Variants in BMP6 observed in about 807,000 individuals in gnomAD.
The protein encoded by BMP6 is VG-1-R.
Under a neutral mutation model 54.1 loss-of-function variants are expected in BMP6, and 17 were observed. That is an observed-to-expected ratio of 0.31 (90% CI 0.22 to 0.47). BMP6 has a LOEUF of 0.47. Among genes scored for constraint, BMP6 ranks in the 20% least tolerant of loss-of-function variants. BMP6 has a pLI of 1.00. For missense variants in BMP6, 720 were observed against 690.4 expected (o/e 1.04, Z -0.48); for synonymous variants, 328 against 291.2 (o/e 1.13, Z -1.28).
chr6:7,766,251 C>T (rs1214302137), intron 1 of BMP6, among the ~76,000 whole-genome samples: 1 of 152,064 alleles, frequency 6.6e-6, no homozygotes, highest in Non-Finnish European at 1.5e-5. Context: ...AGGACTGTAT[C>T]TTGTCTGCTG....
chr6:7,880,319 T>C lies in BMP6; in HGVS notation c.1518T>C (p.Val506=). 1 of 1,614,162 alleles carries C rather than the reference T, an allele frequency of 6.2e-7. No homozygotes were observed. The highest frequency in any genetic ancestry group is 1.3e-5 in the African/African-American group (1 of 75,028). The change falls in exon 7 of 7, where the codon GTT becomes GTC. Residue 506 remains valine, a synonymous_variant. Transcript: ENST00000283147. Reference sequence around the variant, plus strand: ...TTCTGAAAAAATACAGGAATATGGTTGTAAGAGCTTGTGGATGCCACTAAC... The same window carrying C: ...TTCTGAAAAAATACAGGAATATGGTCGTAAGAGCTTGTGGATGCCACTAAC... ...NVILKKYRNM[V]VRACGCH is the part of the protein sequence containing the mutation.
intron 2 of BMP6, among the ~76,000 whole-genome samples, chr6:7,859,670 ACC>A (rs56302090): frequency 0.015 from 2,204 of 148,304 alleles, 37 homozygotes; most frequent in Non-Finnish European, 0.019. Flanking sequence ...TTCCATGGAC[ACC>A]CCCCGCACCC....
At chr6:7,767,478 G>A (rs1757710279) in intron 1 of BMP6, among the ~76,000 whole-genome samples, 1 of 151,478 alleles carries the variant, frequency 6.6e-6, no homozygotes, top group African/African-American at 2.4e-5. Context: ...TAAAGTGTAG[G>A]TCTGAGCCCC....
intron 1 of BMP6, among the ~76,000 whole-genome samples, chr6:7,811,399 A>G (rs1280348606): frequency 1.3e-5 from 2 of 152,112 alleles, no homozygotes; most frequent in Non-Finnish European, 2.9e-5. Context: ...ATGGGAGACT[A>G]TCTAGAAGGA....
chr6:7,785,158 G>A (rs186470610), intron 1 of BMP6, among the ~76,000 whole-genome samples: 1 of 152,310 alleles, frequency 6.6e-6, no homozygotes, highest in East Asian at 1.9e-4. Flanking sequence ...TCCGCTTTTA[G>A]CATTTTATAA....
intron 4 of BMP6, among the ~76,000 whole-genome samples, chr6:7,866,309 C>A (rs1747632015): frequency 6.6e-6 from 1 of 152,216 alleles, no homozygotes; most frequent in Non-Finnish European, 1.5e-5. Flanking sequence ...ACCAATCTAC[C>A]AATTCTTTTT....
intron 1 of BMP6, among the ~76,000 whole-genome samples, chr6:7,842,249 G>A (rs1433683793): frequency 5.9e-5 from 9 of 152,196 alleles, no homozygotes; most frequent in Admixed American, 5.9e-4. Context: ...GGCCTCTTGT[G>A]CAGCTGCAAC....
At chr6:7,774,246 T>C (rs1337737313) in intron 1 of BMP6, among the ~76,000 whole-genome samples, 1 of 152,186 alleles carries the variant, frequency 6.6e-6, no homozygotes, top group African/African-American at 2.4e-5. Flanking sequence ...GCTTTCTGCC[T>C]TCCACCCAAG....
chr6:7,766,770 A>G (rs1008113815), intron 1 of BMP6, among the ~76,000 whole-genome samples: 2 of 152,196 alleles, frequency 1.3e-5, no homozygotes, highest in African/African-American at 4.8e-5. Flanking sequence ...CCTATCTTCT[A>G]TGTCTTCATG....
chr6:7,817,848 G>C (rs1280685106), intron 1 of BMP6, among the ~76,000 whole-genome samples: 1 of 152,198 alleles, frequency 6.6e-6, no homozygotes, highest in African/African-American at 2.4e-5. Flanking sequence ...TAGAAATGTA[G>C]TGTTGCGAAG....
At chr6:7,862,249 A>G in intron 3 of BMP6, 52 bp from the exon 4 acceptor site, 2 of 1,590,718 alleles carry the variant, frequency 1.3e-6, no homozygotes, top group Non-Finnish European at 1.7e-6. Context: ...TTGTAGCTAC[A>G]GGAACAAGTT....
In BMP6 at chr6:7,862,315, C is replaced by A; in HGVS notation, c.1021C>A (p.Pro341Thr). 2 of 1,614,216 alleles carry A rather than the reference C, an allele frequency of 1.2e-6. No homozygotes were observed. ...TTGCATTAAAGGAGTCCACGTCCAC[C>A]CCCGAGCCGCAGGCCTGGTGGGCAG... ...VVTRDGVHVH[P>T]RAAGLVGRDG... The change falls in exon 4 of 7, where the codon CCC (proline) becomes ACC (threonine). Residue 341 changes from proline to threonine, a missense_variant. Pro to Thr is a conservative substitution (Grantham distance 38). Around this residue, in one of 3 missense-constraint regions of BMP6, gnomAD observed 650 missense variants for 556.3 expected, o/e 1.17. Transcript: ENST00000283147.
intron 1 of BMP6, among the ~76,000 whole-genome samples, chr6:7,766,593 G>A (rs184742214): frequency 5.9e-5 from 9 of 152,240 alleles, no homozygotes; most frequent in South Asian, 2.1e-4. Context: ...ACTCCAGCCT[G>A]GGCATCAGAG....
intron 1 of BMP6, among the ~76,000 whole-genome samples, chr6:7,751,120 C>T (rs937806349): frequency 1.3e-5 from 2 of 152,188 alleles, no homozygotes; most frequent in Admixed American, 6.5e-5. Flanking sequence ...TATTGCCTCC[C>T]GCTGATATTT....
intron 1 of BMP6, among the ~76,000 whole-genome samples, chr6:7,760,333 A>C (rs1251757890): frequency 6.6e-6 from 1 of 152,206 alleles, no homozygotes; most frequent in East Asian, 1.9e-4. Flanking sequence ...GTCAGTCTGC[A>C]TGTGAATTAA....
chr6:7,817,660 A>C (rs985104868), intron 1 of BMP6, among the ~76,000 whole-genome samples: 1 of 152,050 alleles, frequency 6.6e-6, no homozygotes, highest in Admixed American at 6.6e-5. Context: ...CCAACATGGC[A>C]CATGTATACA....
chr6:7,853,171 G>A (rs1474265506), intron 2 of BMP6, among the ~76,000 whole-genome samples: 1 of 152,084 alleles, frequency 6.6e-6, no homozygotes, highest in Non-Finnish European at 1.5e-5. Flanking sequence ...GTGTTGCCTT[G>A]CTTGGTTGCT....
intron 1 of BMP6, among the ~76,000 whole-genome samples, chr6:7,761,546 A>G (rs1346240257): frequency 6.6e-6 from 1 of 152,226 alleles, no homozygotes; most frequent in Non-Finnish European, 1.5e-5. Context: ...CCTGGAGCCA[A>G]CAGGGGTGGA....
intron 1 of BMP6, among the ~76,000 whole-genome samples, chr6:7,820,746 C>T (rs2113223222): frequency 6.6e-6 from 1 of 152,292 alleles, no homozygotes; most frequent in South Asian, 2.1e-4. Flanking sequence ...TCTTAGGCAG[C>T]AGTCCCAACC....
Sources: allele counts gnomAD v4.1 joint callset (sites outside exome capture counted in the v4.1 genomes callset), GRCh38; gene constraint gnomAD v4.1.1; regional missense constraint gnomAD v4.1.1; transcripts MANE v1.5; gene names NCBI Gene and HGNC (gene_info 2026-07-23, HGNC 2026-07-21).